The following CPXM2 variants were observed in gnomAD, a reference collection of about 807,000 sequenced individuals.
The protein encoded by CPXM2 is carboxypeptidase X, M14 family member 2, also known as inactive carboxypeptidase-like protein X2.
Under a neutral mutation model 86.1 loss-of-function variants are expected in CPXM2, and 66 were observed. The observed-to-expected ratio is 0.77, with a 90% CI of 0.63 to 0.94. The LOEUF is 0.94. Ranked by LOEUF, CPXM2 falls within the 40% of genes least tolerant of loss-of-function variation. The probability of loss-of-function intolerance (pLI) is 0.00; values close to 1 mark genes in which losing one functional copy is unlikely to be tolerated. For missense variants in CPXM2, 948 were observed against 1,026.3 expected (o/e 0.92, Z 1.04); for synonymous variants, 388 against 400.2 (o/e 0.97, Z 0.36).
At chr10:123,908,339 G>T (rs1288382753) in intron 2 of CPXM2, among the ~76,000 whole-genome samples, 1 of 152,196 alleles carries the variant, frequency 6.6e-6, no homozygotes, top group Non-Finnish European at 1.5e-5. Context: ...TTGAGCAGCA[G>T]CTATTGACAA....
chr10:123,891,793 G>A lies in CPXM2; in HGVS notation c.-134C>T. ...CGCGCTTGGGCGCGGGAGGCGGCCG[G>A]CTGGCTGCGCGTGTGACCGGCCCGC... On this transcript the variant is annotated 5_prime_UTR_variant, in exon 1 of 14. Coordinates refer to ENST00000241305, the MANE Select transcript of CPXM2 (RefSeq NM_198148.3). The surrounding 1 kb of genome is among the most constrained non-coding windows in gnomAD (Gnocchi z 5.6). 4.2e-6 allele frequency: 2 copies of A among 473,478 alleles called. No homozygotes were observed. The highest frequency in any genetic ancestry group is 6.0e-6 in the Non-Finnish European group (2 of 333,756). 29.3% of individuals were successfully genotyped at this position (473,478 alleles called of 1,614,324 possible). A position where few individuals can be genotyped will look rare whatever the true frequency, so the allele number is the denominator to read the frequency against.
intron 4 of CPXM2, among the ~76,000 whole-genome samples, chr10:123,834,285 G>A (rs1564790284): frequency 2.0e-5 from 3 of 152,234 alleles, no homozygotes; most frequent in Non-Finnish European, 4.4e-5. Context: ...GTCTCCAGAG[G>A]AGACAGTGTC....
At chr10:123,775,074 C>T (rs146446903) in intron 7 of CPXM2, among the ~76,000 whole-genome samples, 20 of 152,314 alleles carry the variant, frequency 1.3e-4, no homozygotes, top group South Asian at 4.1e-4. Flanking sequence ...ATTTACCCTG[C>T]GTCACCCAGC....
intron 4 of CPXM2, among the ~76,000 whole-genome samples, chr10:123,807,649 A>G (rs912635676): frequency 2.6e-5 from 4 of 152,208 alleles, no homozygotes; most frequent in African/African-American, 9.6e-5. Flanking sequence ...GGGCAGAGGA[A>G]GTCTGCGTGG....
At chr10:123,915,377 G>A (rs1409996090) in intron 2 of CPXM2, among the ~76,000 whole-genome samples, 1 of 152,100 alleles carries the variant, frequency 6.6e-6, no homozygotes, top group Non-Finnish European at 1.5e-5. Context: ...GGCCAACATG[G>A]CGAAACCCTA....
In CPXM2 at chr10:123,798,069, T is replaced by C. The variant is rs1847372682; in HGVS notation, c.796A>G (p.Met266Val). The C allele has an allele frequency of 1.2e-6, 2 of 1,611,834 alleles. No individual in the cohort carries two copies. Among genetic ancestry groups the C allele is most frequent in the Non-Finnish European group, 8.5e-7 (1 of 1,178,880 alleles). The change falls in exon 6 of 14, where the codon ATG becomes GTG. Residue 266 changes from methionine (M) to valine (V), a missense_variant. Physicochemically the swap from Met to Val is conservative, Grantham distance 21. Transcript: ENST00000241305. ...IPVLNELPVP[M>V]VARYIRINPQ... Reference sequence around the variant, plus strand: ...TTTATGCGGATGTAGCGGGCCACCATGGGGACGGGTAGCTCATTGAGAACA... The same window carrying C: ...TTTATGCGGATGTAGCGGGCCACCACGGGGACGGGTAGCTCATTGAGAACA...
intron 7 of CPXM2, among the ~76,000 whole-genome samples, chr10:123,772,670 C>A (rs1846672793): frequency 6.6e-6 from 1 of 151,756 alleles, no homozygotes; most frequent in African/African-American, 2.4e-5. Flanking sequence ...GGTCATCACT[C>A]CCCTGGTCAT....
intron 6 of CPXM2, among the ~76,000 whole-genome samples, chr10:123,796,808 C>T (rs976018340): frequency 9.2e-5 from 14 of 152,326 alleles, no homozygotes; most frequent in African/African-American, 3.1e-4. Flanking sequence ...GTGGGAAGGC[C>T]TCACTGGAGA....
At chr10:123,841,196 G>A (rs962708465) in intron 4 of CPXM2, among the ~76,000 whole-genome samples, 13 of 152,180 alleles carry the variant, frequency 8.5e-5, no homozygotes, top group African/African-American at 1.7e-4. Context: ...ACCCTACTGC[G>A]CCCCTCCACA....
intron 1 of CPXM2, among the ~76,000 whole-genome samples, chr10:123,939,829 A>G (rs1945757657): frequency 6.6e-6 from 1 of 152,162 alleles, no homozygotes. Flanking sequence ...GTGCCTGATC[A>G]GGGCTCTCTG....
chr10:123,823,652 TAGAG>T (rs1215067193), intron 4 of CPXM2, among the ~76,000 whole-genome samples: 1 of 151,808 alleles, frequency 6.6e-6, no homozygotes, highest in Non-Finnish European at 1.5e-5. Flanking sequence ...GAGACAGAGA[TAGAG>T]AGAAAGAGAC....
At chr10:123,752,585 T>A in intron 13 of CPXM2, 1 of 985,378 alleles carries the variant, frequency 1.0e-6, no homozygotes, top group Non-Finnish European at 1.2e-6. Flanking sequence ...TCCCAAAGTC[T>A]GCTTCCTGGC....
rs77132776 is a variant in CPXM2 at position 123,913,471 on chromosome 10, A to C, written n.174+26006T>G. The C allele has an allele frequency of 9.7e-3, 1,490 of 153,432 alleles. 24 individuals carry two copies. Among genetic ancestry groups the C allele is most frequent in the African/African-American group, 0.033 (1,359 of 41,564 alleles). 9.5% of individuals were successfully genotyped at this position (153,432 alleles called of 1,614,324 possible). ...CTGGAATTATTGCATAAGTGTGTTT[A>C]TGTGCGTAGGTGTGTATGTGCATAC... On this transcript the variant is annotated intron_variant and non_coding_transcript_variant, in intron 2 of 19. Coordinates refer to the CPXM2 transcript ENST00000368854.
chr10:123,812,689 T>C (rs1713319352), intron 4 of CPXM2, among the ~76,000 whole-genome samples: 1 of 152,194 alleles, frequency 6.6e-6, no homozygotes, highest in Admixed American at 6.5e-5. Flanking sequence ...GCGGTGGCAT[T>C]AGGGCATTAG....
chr10:123,752,083 A>C (rs748236779), intron 13 of CPXM2: 29 of 985,138 alleles, frequency 2.9e-5, no homozygotes, highest in Non-Finnish European at 3.5e-5. Flanking sequence ...GCTCTTTTAG[A>C]ATTGTCATTT....
intron 4 of CPXM2, among the ~76,000 whole-genome samples, chr10:123,810,358 C>G: frequency 6.6e-6 from 1 of 151,782 alleles, no homozygotes; most frequent in Non-Finnish European, 1.5e-5. Context: ...ACAAAAATAG[C>G]AAAAATATAC....
intron 4 of CPXM2, among the ~76,000 whole-genome samples, chr10:123,800,217 G>A (rs942424446): frequency 1.3e-5 from 2 of 151,346 alleles, no homozygotes; most frequent in African/African-American, 2.4e-5. Flanking sequence ...TGGTTCATCC[G>A]ACTGACTTGT....
chr10:123,762,052 G>A lies in CPXM2; in HGVS notation c.1597C>T (p.Pro533Ser). 2 of 1,614,032 alleles carry A rather than the reference G, an allele frequency of 1.2e-6. No homozygotes were observed. The highest frequency in any genetic ancestry group is 8.5e-7 in the Non-Finnish European group (1 of 1,179,996). ...VAYPYDLVRS[P>S]WKTQEHTPTP... ...GGGGTGTGTTCCTGCGTCTTCCAGG[G>A]GGACCGCACCAGGTCGTAGGGGTAC... is the stretch of plus-strand genomic sequence containing the variant. The change falls in exon 11 of 14, where the codon CCC (proline) becomes TCC (serine). Residue 533 changes from proline (P) to serine (S), a missense_variant. Pro to Ser is a moderately conservative substitution (Grantham distance 74, BLOSUM62 -1). Transcript: ENST00000241305.
chr10:123,889,157 G>T (rs994359088), intron 1 of CPXM2, among the ~76,000 whole-genome samples: 2 of 152,190 alleles, frequency 1.3e-5, no homozygotes, highest in African/African-American at 4.8e-5. Flanking sequence ...TGTAACCCCT[G>T]AGTCTGCAGA....
Sources: allele counts gnomAD v4.1 joint callset (sites outside exome capture counted in the v4.1 genomes callset), GRCh38; gene constraint gnomAD v4.1.1; non-coding constraint Gnocchi (gnomAD v3.1); transcripts MANE v1.5; gene names NCBI Gene and HGNC (gene_info 2026-07-23, HGNC 2026-07-21).